PPP1R9A: variants seen among roughly 807,000 people sequenced by gnomAD.
PPP1R9A encodes neurabin-1.
A neutral mutation model predicts 141.9 loss-of-function variants in PPP1R9A; 59 were observed. The observed-to-expected ratio is 0.42, with a 90% CI of 0.34 to 0.52. The LOEUF (loss-of-function observed/expected upper bound fraction) is 0.52. PPP1R9A is among the 20% of genes least tolerant of loss of function. PPP1R9A has a pLI of 0.10. For missense variants in PPP1R9A, 1,444 were observed against 1,611.9 expected, an observed-to-expected ratio of 0.90 and a Z score of 1.78; for synonymous variants, 500 against 569.7, an observed-to-expected ratio of 0.88 and a Z score of 1.74.
intron 2 of PPP1R9A, among the ~76,000 whole-genome samples, chr7:95,037,730 C>A (rs184407468): frequency 6.6e-6 from 1 of 152,052 alleles, no homozygotes; most frequent in African/African-American, 2.4e-5. Context: ...CGTGCACACA[C>A]GTGCACTTTA....
At chr7:95,093,134 T>G (rs534854050) in intron 2 of PPP1R9A, among the ~76,000 whole-genome samples, 1 of 152,318 alleles carries the variant, frequency 6.6e-6, no homozygotes, top group Non-Finnish European at 1.5e-5. Flanking sequence ...GTTTTGTTTT[T>G]TTGGCTCGGG....
chr7:95,014,881 A>C (rs1284766631), intron 2 of PPP1R9A, among the ~76,000 whole-genome samples: 1 of 152,078 alleles, frequency 6.6e-6, no homozygotes, highest in East Asian at 1.9e-4. Flanking sequence ...TCTATGAGTT[A>C]AAATCCATTA....
At chr7:95,120,566 A>G (rs896452131) in intron 3 of PPP1R9A, 146 bp from the exon 4 acceptor site, 319 of 894,794 alleles carry the variant, frequency 3.6e-4, no homozygotes, top group Non-Finnish European at 4.7e-4. Flanking sequence ...CGTAGCTTAG[A>G]AAAGAATTCT....
chr7:95,176,309 G>A (rs1832887187), intron 5 of PPP1R9A, among the ~76,000 whole-genome samples: 1 of 152,030 alleles, frequency 6.6e-6, no homozygotes, highest in African/African-American at 2.4e-5. Context: ...AAGGGGGAGA[G>A]TACTACATCA....
At position 95,293,828 on chromosome 7, in the gene PPP1R9A, T is replaced by G. The variant is rs1235332486; in HGVS notation, c.*3525T>G. ...CATTTTATAAAAGGGAAATGAAAATTTGCATTTATATAGATACTCTGATTC... is the reference window on the plus strand; with the variant it reads ...CATTTTATAAAAGGGAAATGAAAATGTGCATTTATATAGATACTCTGATTC... On this transcript the variant is annotated 3_prime_UTR_variant, in exon 20 of 20. Transcript: ENST00000433360. The G allele has an allele frequency of 2.0e-5, 3 of 152,170 alleles. No individual in the cohort carries two copies. In the South Asian group the frequency reaches 6.2e-4, roughly 32 times the overall value. 9.4% of individuals were successfully genotyped at this position (152,170 alleles called of 1,614,324 possible).
chr7:95,220,151 A>T (rs1272956636), intron 7 of PPP1R9A, among the ~76,000 whole-genome samples: 1 of 152,122 alleles, frequency 6.6e-6, no homozygotes, highest in Non-Finnish European at 1.5e-5. Flanking sequence ...CTGACAAAAA[A>T]ATGGAAAGAG....
At chr7:95,283,471 A>G (rs1027005027) in intron 16 of PPP1R9A, among the ~76,000 whole-genome samples, 2 of 152,188 alleles carry the variant, frequency 1.3e-5, no homozygotes, top group Non-Finnish European at 2.9e-5. Context: ...CAGATCTCCT[A>G]CGCCTCCTGT....
At chr7:94,962,781 G>T (rs543746384) in intron 2 of PPP1R9A, among the ~76,000 whole-genome samples, 4 of 152,186 alleles carry the variant, frequency 2.6e-5, no homozygotes, top group Non-Finnish European at 5.9e-5. Context: ...TGACTACAGT[G>T]TCATTGACTT....
intron 4 of PPP1R9A, among the ~76,000 whole-genome samples, chr7:95,138,379 A>T (rs1826061003): frequency 6.6e-6 from 1 of 152,238 alleles, no homozygotes; most frequent in Non-Finnish European, 1.5e-5. Context: ...AGTTAATTCA[A>T]AATTAATTGT....
intron 2 of PPP1R9A, among the ~76,000 whole-genome samples, chr7:94,938,942 AG>A (rs1217366485): frequency 6.6e-6 from 1 of 152,202 alleles, no homozygotes; most frequent in Non-Finnish European, 1.5e-5. Context: ...GTGTTTTTAA[AG>A]GGAGAGATAA....
chr7:95,177,390 A>G (rs1362888055), intron 5 of PPP1R9A, among the ~76,000 whole-genome samples: 1 of 152,156 alleles, frequency 6.6e-6, no homozygotes, highest in Non-Finnish European at 1.5e-5. Flanking sequence ...GAAACAAATC[A>G]TGGAAACGCA....
intron 8 of PPP1R9A, among the ~76,000 whole-genome samples, chr7:95,239,658 G>A (rs1330068910): frequency 2.0e-5 from 3 of 151,818 alleles, no homozygotes; most frequent in Non-Finnish European, 2.9e-5. Flanking sequence ...GCAAGATATA[G>A]GTGTTCCCAC....
intron 5 of PPP1R9A, among the ~76,000 whole-genome samples, chr7:95,183,597 C>A (rs1017099622): frequency 2.6e-5 from 4 of 151,316 alleles, no homozygotes; most frequent in Non-Finnish European, 5.9e-5. Context: ...ACTATAGGCG[C>A]CCACCACCAC....
intron 4 of PPP1R9A, among the ~76,000 whole-genome samples, chr7:95,132,364 G>A (rs1234820052): frequency 1.3e-5 from 2 of 152,100 alleles, no homozygotes; most frequent in African/African-American, 4.8e-5. Flanking sequence ...TGTTTCTTTA[G>A]TGCCTAGTTT....
chr7:95,022,976 G>A (rs996519328), intron 2 of PPP1R9A, among the ~76,000 whole-genome samples: 19 of 152,150 alleles, frequency 1.2e-4, no homozygotes, highest in Non-Finnish European at 2.2e-4. Context: ...TTGGTATCAG[G>A]ATGATGCTGG....
At chr7:94,931,226 A>G (rs1338520754) in intron 2 of PPP1R9A, among the ~76,000 whole-genome samples, 1 of 152,156 alleles carries the variant, frequency 6.6e-6, no homozygotes, top group Non-Finnish European at 1.5e-5. Context: ...CTCACCAGTA[A>G]GAGGTTTTAT....
intron 8 of PPP1R9A, among the ~76,000 whole-genome samples, chr7:95,226,588 T>G (rs569881402): frequency 6.6e-6 from 1 of 152,248 alleles, no homozygotes; most frequent in South Asian, 2.1e-4. Context: ...CAAGGGGTGG[T>G]GAAGTGCACA....
intron 7 of PPP1R9A, among the ~76,000 whole-genome samples, chr7:95,211,157 C>A (rs1169288314): frequency 1.4e-5 from 2 of 146,972 alleles, no homozygotes; most frequent in African/African-American, 5.0e-5. Context: ...AAAAAAAAAA[C>A]ATTAAAAATA....
intron 2 of PPP1R9A, among the ~76,000 whole-genome samples, chr7:94,918,910 C>A (rs1419140215): frequency 1.3e-5 from 2 of 152,108 alleles, no homozygotes; most frequent in East Asian, 3.9e-4. Flanking sequence ...GTGGGAGCAA[C>A]AAATGCTATC....
Sources: gnomAD v4.1 joint callset for allele counts (sites outside exome capture counted in the v4.1 genomes callset) on GRCh38, gnomAD v4.1.1 for gene constraint, MANE v1.5 for transcripts, NCBI Gene and HGNC (gene_info 2026-07-23, HGNC 2026-07-21) for gene names.